The following ATF3 variants were observed in gnomAD, a reference collection of about 807,000 sequenced individuals.
ATF3 encodes activating transcription factor 3, also known as cyclic AMP-dependent transcription factor ATF-3.
ATF3 carries 10 observed loss-of-function variants against 18.4 expected under a neutral mutation model. That is an observed-to-expected ratio of 0.54 (90% confidence interval 0.34 to 0.92). The LOEUF is 0.92. ATF3 is among the 40% of genes least tolerant of loss of function. The pLI is 0.02. For missense variants in ATF3, 183 were observed against 222.3 expected, an observed-to-expected ratio of 0.82 and a Z score of 1.12; for synonymous variants, 78 against 87.9, an observed-to-expected ratio of 0.89 and a Z score of 0.63.
intron 1 of ATF3, among the ~76,000 whole-genome samples, chr1:212,582,428 G>A (rs543162497): frequency 3.9e-5 from 6 of 152,222 alleles, no homozygotes; most frequent in Non-Finnish European, 8.8e-5. Context: ...AAGCAAAGCA[G>A]GGCAGCCTTC....
Position 212,619,619 on chromosome 1 carries a change from T to G in ATF3, c.*64T>G. 6.3e-7 allele frequency: 1 copy of G among 1,584,086 alleles called. No individual in the cohort carries two copies. The highest frequency in any genetic ancestry group is 8.6e-7 in the Non-Finnish European group (1 of 1,163,236). On this transcript the variant is annotated 3_prime_UTR_variant, in exon 4 of 4. Transcript: ENST00000341491. This position sits in a 1 kb window ranked among gnomAD's most constrained non-coding sequence, Gnocchi z 4.4. ...AATCCTCATTTTATACCCAAAACCC[T>G]GAAGCCATTGGAGAGCTGTCTTCCT...
chr1:212,586,782 C>G (rs1343710276), intron 1 of ATF3, among the ~76,000 whole-genome samples: 1 of 152,150 alleles, frequency 6.6e-6, no homozygotes, highest in Non-Finnish European at 1.5e-5. Context: ...AAAAAATAAC[C>G]AACAGTTATC....
intron 1 of ATF3, among the ~76,000 whole-genome samples, chr1:212,582,706 G>A (rs562979260): frequency 2.0e-5 from 3 of 152,294 alleles, no homozygotes; most frequent in East Asian, 3.9e-4. Flanking sequence ...GGATTGAGCA[G>A]CACTTTTAAA....
chr1:212,570,324 A>G (rs1370651391), intron 1 of ATF3, among the ~76,000 whole-genome samples: 1 of 152,200 alleles, frequency 6.6e-6, no homozygotes, highest in African/African-American at 2.4e-5. Context: ...TCTAATAGAA[A>G]ACAGCCTTTT....
intron 1 of ATF3, among the ~76,000 whole-genome samples, chr1:212,598,775 T>C (rs1654396043): frequency 6.6e-6 from 1 of 152,270 alleles, no homozygotes; most frequent in Admixed American, 6.5e-5. Flanking sequence ...ATCCATGTTG[T>C]TGCAAATGAC....
At chr1:212,594,150 C>T (rs1055593513) in intron 1 of ATF3, among the ~76,000 whole-genome samples, 13 of 152,202 alleles carry the variant, frequency 8.5e-5, no homozygotes, top group African/African-American at 2.7e-4. Context: ...AATTCTGTTT[C>T]CTCCAGTTCG....
intron 1 of ATF3, among the ~76,000 whole-genome samples, chr1:212,569,012 G>A (rs1216665947): frequency 6.6e-6 from 1 of 152,134 alleles, no homozygotes; most frequent in African/African-American, 2.4e-5. Flanking sequence ...TAAGTTAGTA[G>A]CAGGTTGCTG....
chr1:212,593,745 A>T (rs1233578741), intron 1 of ATF3, among the ~76,000 whole-genome samples: 121 of 624 alleles, frequency 0.19, no homozygotes, highest in South Asian at 0.4. Context: ...TGTCTCTTTA[A>T]AAAAAAAAAA....
In ATF3 at chr1:212,618,149, G is replaced by T. The variant is rs1655210704; in HGVS notation, c.263G>T (p.Arg88Met). ...KAEVAPEEDE[R>M]KKRRRERNKI... is the part of the protein sequence containing the mutation. Reference sequence around the variant, plus strand: ...CAGGTAGCCCCTGAAGAAGATGAAAGGAAAAAGAGGCGACGAGAAAGAAAT... The same window carrying T: ...CAGGTAGCCCCTGAAGAAGATGAAATGAAAAAGAGGCGACGAGAAAGAAAT... Residue 88 changes from arginine to methionine, a missense_variant, in exon 3 of 4, where the codon AGG becomes ATG. By Grantham distance (91) the Arg-to-Met change is moderately conservative (BLOSUM62 -1). Transcript: ENST00000341491. The surrounding 1 kb of genome is among the most constrained non-coding windows in gnomAD (Gnocchi z 4.4). The T allele has an allele frequency of 6.2e-7, 1 of 1,614,012 alleles. No homozygotes were observed. Among genetic ancestry groups the T allele is most frequent in the South Asian group, 1.1e-5 (1 of 91,090 alleles).
chr1:212,581,738 TTAA>T (rs1352596716), intron 1 of ATF3, among the ~76,000 whole-genome samples: 1 of 152,230 alleles, frequency 6.6e-6, no homozygotes, highest in Admixed American at 6.5e-5. Flanking sequence ...AGAGACATAC[TTAA>T]TATATACATG....
At chr1:212,599,342 T>G (rs1654411386) in intron 1 of ATF3, among the ~76,000 whole-genome samples, 1 of 152,252 alleles carries the variant, frequency 6.6e-6, no homozygotes, top group South Asian at 2.1e-4. Context: ...TGGCTTTTCC[T>G]GGTTCTTGAG....
chr1:212,585,891 T>C (rs1459919521), intron 1 of ATF3, among the ~76,000 whole-genome samples: 1 of 152,136 alleles, frequency 6.6e-6, no homozygotes, highest in Admixed American at 6.5e-5. Context: ...TTGTCCACAG[T>C]GGCTTTGTTG....
At chr1:212,599,619 C>T (rs1339982002) in intron 1 of ATF3, among the ~76,000 whole-genome samples, 1 of 152,188 alleles carries the variant, frequency 6.6e-6, no homozygotes, top group African/African-American at 2.4e-5. Context: ...ATGCTGATGG[C>T]TAGGGGCCAT....
At position 212,619,939 on chromosome 1, in the gene ATF3, A is replaced by G. The variant is rs920724922; in HGVS notation, c.*384A>G. ...TGGGAGGGATGGGGCCATCTCCTTC[A>G]CCGTGGCTACCATTGTCACTCGTAG... is the stretch of plus-strand genomic sequence containing the variant. On this transcript the variant is annotated 3_prime_UTR_variant, in exon 4 of 4. Coordinates refer to ENST00000341491, the MANE Select transcript of ATF3 (RefSeq NM_001674.4). This position sits in a 1 kb window ranked among gnomAD's most constrained non-coding sequence, Gnocchi z 4.4. The G allele has an allele frequency of 2.1e-5, 6 of 280,018 alleles. No homozygotes were observed. The highest frequency in any genetic ancestry group is 4.2e-5 in the Non-Finnish European group (6 of 141,918). The allele number at this position is 280,018 out of a possible 1,614,324, so 17.3% of individuals were successfully genotyped here.
intron 1 of ATF3, among the ~76,000 whole-genome samples, chr1:212,578,615 T>C (rs1465175034): frequency 6.6e-6 from 1 of 152,218 alleles, no homozygotes; most frequent in East Asian, 1.9e-4. Context: ...TTTCTACCTT[T>C]AACCGGGAGT....
At chr1:212,610,885 G>T (rs1175485106) in intron 1 of ATF3, among the ~76,000 whole-genome samples, 2 of 152,150 alleles carry the variant, frequency 1.3e-5, no homozygotes, top group Non-Finnish European at 2.9e-5. Context: ...CATGGGCTGG[G>T]CCACTCACCA....
At chr1:212,575,993 A>G (rs1664570243) in intron 1 of ATF3, among the ~76,000 whole-genome samples, 1 of 152,068 alleles carries the variant, frequency 6.6e-6, no homozygotes, top group Non-Finnish European at 1.5e-5. Flanking sequence ...AAGTTCGGAA[A>G]TTCTCTTCCT....
Position 212,619,360 on chromosome 1 carries a change from G to A in ATF3, c.351G>A (p.Glu117=). The A allele has an allele frequency of 6.2e-7, 1 of 1,613,304 alleles. No homozygotes were observed. The highest frequency in any genetic ancestry group is 1.3e-5 in the African/African-American group (1 of 75,002). The stretch of plus-strand genomic sequence containing the variant: ...TGCCTCTGTTGCTTGTCCCCCAGGA[G>A]TCGGAGAAGCTGGAAAGTGTGAATG... The part of the protein sequence containing the change: ...KKEKTECLQK[E]SEKLESVNAE... Residue 117 remains glutamate, a splice_region_variant and synonymous_variant, in exon 4 of 4, where the codon GAG becomes GAA. Transcript: ENST00000341491. The surrounding 1 kb of genome is among the most constrained non-coding windows in gnomAD (Gnocchi z 4.4).
chr1:212,609,515 C>T (rs1003969971), intron 1 of ATF3, among the ~76,000 whole-genome samples: 1 of 152,218 alleles, frequency 6.6e-6, no homozygotes, highest in Non-Finnish European at 1.5e-5. Flanking sequence ...CCCTGGGTAC[C>T]CCGCAGCACT....
Sources: allele counts gnomAD v4.1 joint callset (sites outside exome capture counted in the v4.1 genomes callset), GRCh38; gene constraint gnomAD v4.1.1; non-coding constraint Gnocchi (gnomAD v3.1); transcripts MANE v1.5; gene names NCBI Gene and HGNC (gene_info 2026-07-23, HGNC 2026-07-21).